The following GUCY1A2 variants were observed in gnomAD, a reference collection of about 807,000 sequenced individuals.
GUCY1A2 encodes the protein guanylate cyclase 1 soluble subunit alpha 2.
GUCY1A2 carries 27 observed loss-of-function variants against 63.5 expected under a neutral mutation model. The observed-to-expected ratio is 0.43, with a 90% CI of 0.31 to 0.59. The LOEUF is 0.59. Ranked by LOEUF, GUCY1A2 falls within the 20% of genes least tolerant of loss-of-function variation. The probability of loss-of-function intolerance (pLI) is 0.11; values close to 1 mark genes in which losing one functional copy is unlikely to be tolerated. For missense variants in GUCY1A2, 768 were observed against 913.3 expected (o/e 0.84, Z 2.05); for synonymous variants, 364 against 343.5 (o/e 1.06, Z -0.66).
At chr11:106,815,966 C>A (rs1194317360) in intron 4 of GUCY1A2, among the ~76,000 whole-genome samples, 2 of 151,938 alleles carry the variant, frequency 1.3e-5, no homozygotes, top group Non-Finnish European at 2.9e-5. Flanking sequence ...CCTTTTGACA[C>A]TTTGACTTCT....
At position 106,708,402 on chromosome 11, in the gene GUCY1A2, A is replaced by G. The variant is rs573823701; in HGVS notation, c.1991+110T>C. ...TTGGGTTTGGGCAGTTCTACTCATA[A>G]TATCTTGGAGAATGACAGGATCAAG... On this transcript the variant is annotated intron_variant, in intron 7 of 7. Coordinates refer to ENST00000526355, the MANE Select transcript of GUCY1A2 (RefSeq NM_000855.3). 316 of 843,820 alleles carry G rather than the reference A, an allele frequency of 3.7e-4. 3 individuals are homozygous for G. In the Admixed American group the frequency reaches 7.4e-3, roughly 20 times the overall value. 52.3% of individuals were successfully genotyped at this position (843,820 alleles called of 1,614,324 possible). A position where few individuals can be genotyped will look rare whatever the true frequency, so the allele number is the denominator to read the frequency against.
At chr11:106,936,778 T>A (rs1860684104) in intron 4 of GUCY1A2, 2 of 819,720 alleles carry the variant, frequency 2.4e-6, no homozygotes, top group Admixed American at 2.2e-5. Flanking sequence ...ACAAAACAGT[T>A]AAATTATGAG....
chr11:107,007,161 G>T (rs925497642), intron 1 of GUCY1A2, among the ~76,000 whole-genome samples: 2 of 151,878 alleles, frequency 1.3e-5, no homozygotes, highest in Non-Finnish European at 2.9e-5. Flanking sequence ...AATATCCTTG[G>T]GCTTTTCAAG....
chr11:106,746,375 TA>T (rs1863787835), intron 6 of GUCY1A2, among the ~76,000 whole-genome samples: 1 of 152,212 alleles, frequency 6.6e-6, no homozygotes, highest in Non-Finnish European at 1.5e-5. Context: ...ACATATGCTC[TA>T]AATAATATTT....
intron 4 of GUCY1A2, among the ~76,000 whole-genome samples, chr11:106,887,099 T>C: frequency 6.6e-6 from 1 of 152,094 alleles, no homozygotes. Flanking sequence ...CATGACACTC[T>C]TCCACATGCA....
chr11:106,821,516 G>GGGTTCTATTTCTACATATCT (rs1858903070), intron 4 of GUCY1A2, among the ~76,000 whole-genome samples: 2 of 152,124 alleles, frequency 1.3e-5, no homozygotes, highest in African/African-American at 4.8e-5. Flanking sequence ...TGGGAGATGT[G>GGGTTCTATTTCTACATATCT]GGTTCTATTT....
intron 6 of GUCY1A2, among the ~76,000 whole-genome samples, chr11:106,759,600 AG>A (rs1864030362): frequency 6.6e-6 from 1 of 152,218 alleles, no homozygotes; most frequent in Non-Finnish European, 1.5e-5. Flanking sequence ...CTACCAGAGT[AG>A]GGGGGACCCC....
At chr11:106,890,520 C>CT (rs761796295) in intron 4 of GUCY1A2, among the ~76,000 whole-genome samples, 25 of 152,310 alleles carry the variant, frequency 1.6e-4, no homozygotes, top group Non-Finnish European at 3.4e-4. Context: ...TCTGTACTCA[C>CT]TATTTGGGAA....
rs1009344659 is a variant in GUCY1A2 at position 106,686,313 on chromosome 11, A to G, written c.*1236T>C. The G allele has an allele frequency of 2.3e-5, 5 of 219,576 alleles. No individual in the cohort carries two copies. The highest frequency in any genetic ancestry group is 6.7e-5 in the African/African-American group (3 of 44,612). The allele number at this position is 219,576 out of a possible 1,614,324, so 13.6% of individuals were successfully genotyped here. A position where few individuals can be genotyped will look rare whatever the true frequency, so the allele number is the denominator to read the frequency against. On this transcript the variant is annotated 3_prime_UTR_variant, in exon 8 of 8. Transcript: ENST00000526355. ...ACTATAATGATTACTAGTTCTGAAGATTATACCTACTTCAGTATTCATGAA... is the reference window on the plus strand; with the variant it reads ...ACTATAATGATTACTAGTTCTGAAGGTTATACCTACTTCAGTATTCATGAA...
intron 4 of GUCY1A2, among the ~76,000 whole-genome samples, chr11:106,849,514 T>C (rs1448143222): frequency 6.6e-6 from 1 of 151,460 alleles, no homozygotes; most frequent in East Asian, 1.9e-4. Flanking sequence ...CATAGTTATT[T>C]TGGTAAATAT....
intron 4 of GUCY1A2, among the ~76,000 whole-genome samples, chr11:106,914,001 AAAGAAAG>A (rs1860333418): frequency 2.0e-5 from 3 of 150,290 alleles, no homozygotes; most frequent in African/African-American, 7.4e-5. Flanking sequence ...AAAAAAAAAA[AAAGAAAG>A]AAAGAAAGAA....
At chr11:106,912,359 C>T (rs531281264) in intron 4 of GUCY1A2, among the ~76,000 whole-genome samples, 13 of 152,128 alleles carry the variant, frequency 8.5e-5, no homozygotes, top group African/African-American at 3.1e-4. Flanking sequence ...TGGATCTTTC[C>T]AGCATTTTTC....
At chr11:106,916,548 T>C (rs1860372388) in intron 4 of GUCY1A2, among the ~76,000 whole-genome samples, 1 of 145,444 alleles carries the variant, frequency 6.9e-6, no homozygotes, top group Admixed American at 6.9e-5. Flanking sequence ...GCTTAAAGAT[T>C]GTGCTTAAAC....
At position 106,679,893 on chromosome 11, in the gene GUCY1A2, T is replaced by C. The variant is rs1315237979; in HGVS notation, c.*7656A>G. On this transcript the variant is annotated 3_prime_UTR_variant, in exon 8 of 8. Coordinates refer to ENST00000526355, the MANE Select transcript of GUCY1A2 (RefSeq NM_000855.3). ...AGCTTCTATCCCAGCTTCACTGAGA[T>C]GTGCAGCTGCCGAGAGGTTGGCACT... is the stretch of plus-strand genomic sequence containing the variant. The C allele has an allele frequency of 4.6e-6, 1 of 218,150 alleles. No individual in the cohort carries two copies. The highest frequency in any genetic ancestry group is 6.7e-5 in the East Asian group (1 of 14,854). 13.5% of individuals were successfully genotyped at this position (218,150 alleles called of 1,614,324 possible).
intron 7 of GUCY1A2, among the ~76,000 whole-genome samples, chr11:106,701,729 G>T (rs1862820848): frequency 6.6e-6 from 1 of 152,080 alleles, no homozygotes; most frequent in Non-Finnish European, 1.5e-5. Flanking sequence ...GGTGAATAGG[G>T]TTAATGATAA....
intron 5 of GUCY1A2, among the ~76,000 whole-genome samples, chr11:106,793,926 T>C (rs946111008): frequency 6.6e-6 from 1 of 152,112 alleles, no homozygotes; most frequent in Non-Finnish European, 1.5e-5. Flanking sequence ...TCAGCTATTA[T>C]GGAAAACACA....
chr11:106,962,905 C>T (rs1024496127), intron 3 of GUCY1A2, among the ~76,000 whole-genome samples: 9 of 151,638 alleles, frequency 5.9e-5, no homozygotes, highest in African/African-American at 1.9e-4. Flanking sequence ...ATGCTCTGAC[C>T]TGTTATTAAT....
intron 4 of GUCY1A2, among the ~76,000 whole-genome samples, chr11:106,921,803 A>G (rs1224175145): frequency 6.6e-6 from 1 of 152,126 alleles, no homozygotes; most frequent in African/African-American, 2.4e-5. Context: ...GGGTTACCAC[A>G]ATGTGTTTGC....
chr11:106,820,699 A>C (rs1445438868), intron 4 of GUCY1A2, among the ~76,000 whole-genome samples: 1 of 152,124 alleles, frequency 6.6e-6, no homozygotes, highest in Non-Finnish European at 1.5e-5. Context: ...CACCTGGCCT[A>C]GCCTAAGCAC....
Sources: allele counts gnomAD v4.1 joint callset (sites outside exome capture counted in the v4.1 genomes callset), GRCh38; gene constraint gnomAD v4.1.1; transcripts MANE v1.5; gene names NCBI Gene and HGNC (gene_info 2026-07-23, HGNC 2026-07-21).